Variants in USP9X observed in about 807,000 individuals in gnomAD.
USP9X encodes the protein ubiquitin specific peptidase 9 X-linked.
Under a neutral mutation model 190.3 loss-of-function variants are expected in USP9X, and 7 were observed. The observed-to-expected ratio is 0.04, with a 90% CI of 0.02 to 0.07. The LOEUF (loss-of-function observed/expected upper bound fraction) is 0.07, where lower values mean the gene tolerates loss of function less well. Among genes scored for constraint, USP9X ranks in the 10% least tolerant of loss-of-function variants. The probability of loss-of-function intolerance (pLI) is 1.00; values close to 1 mark genes in which losing one functional copy is unlikely to be tolerated. For synonymous variants in USP9X, 645 were observed against 659.5 expected (o/e 0.98, Z 0.34); for missense variants, 1,010 against 1,916.9 (o/e 0.53, Z 8.83).
chrX:41,096,300 C>G (rs1433453787), intron 1 of USP9X, among the ~76,000 whole-genome samples: 1 of 112,761 alleles, frequency 8.9e-6, no homozygotes, highest in African/African-American at 3.2e-5. Flanking sequence ...CTTTGATATA[C>G]AAACATAGGT....
At chrX:41,099,073 C>T (rs1219661827) in intron 1 of USP9X, among the ~76,000 whole-genome samples, 1 of 97,150 alleles carries the variant, frequency 1.0e-5, no homozygotes, top group Non-Finnish European at 2.0e-5. Flanking sequence ...ACCACGACCA[C>T]ATGCCATAAT....
intron 1 of USP9X, among the ~76,000 whole-genome samples, chrX:41,102,620 C>CA (rs989414402): frequency 1.6e-4 from 18 of 109,343 alleles, no homozygotes; most frequent in East Asian, 8.5e-4. Context: ...GAGACTGTCT[C>CA]AAAAAAAAGA....
At chrX:41,198,299 TTC>T (rs2063007158) in intron 29 of USP9X, among the ~76,000 whole-genome samples, 1 of 112,288 alleles carries the variant, frequency 8.9e-6, no homozygotes, top group South Asian at 3.6e-4. Context: ...CTATATTCAG[TTC>T]TTTCTTAATA....
chrX:41,210,823 T>C (rs893071440), intron 33 of USP9X, 141 bp downstream of exon 33: 8 of 633,050 alleles, frequency 1.3e-5, no homozygotes, highest in Admixed American at 4.4e-5. Context: ...TTATATACTT[T>C]GCATACCTTA....
intron 1 of USP9X, among the ~76,000 whole-genome samples, chrX:41,112,861 C>T (rs2062120239): frequency 8.9e-6 from 1 of 112,785 alleles, no homozygotes; most frequent in East Asian, 2.7e-4. Flanking sequence ...ATTATTTTCA[C>T]TCACATTTCA....
chrX:41,230,409 G>T, intron 43 of USP9X, 92 bp from the exon 44 acceptor site: 5 of 817,831 alleles, frequency 6.1e-6, no homozygotes, highest in South Asian at 2.5e-5. Context: ...GGTCAGTTTT[G>T]TAGATTTTTA....
intron 21 of USP9X, among the ~76,000 whole-genome samples, chrX:41,174,361 C>G (rs985382680): frequency 2.7e-5 from 3 of 111,537 alleles, no homozygotes; most frequent in South Asian, 7.6e-4. Context: ...ACCCCCACCC[C>G]CCATGGATAC....
Position 41,214,794 on chromosome X carries a change from C to T in USP9X, c.5331+85C>T, listed in dbSNP as rs191715245. The T allele has an allele frequency of 4.5e-4, 439 of 969,743 alleles. No individual in the cohort carries two copies. The African/African-American group carries it at 7.5e-3, about 17-fold the overall frequency. 79.9% of individuals were successfully genotyped at this position (969,743 alleles called of 1,213,427 possible). On this transcript the variant is annotated intron_variant, in intron 34 of 44. Coordinates refer to ENST00000378308, the MANE Select transcript of USP9X (RefSeq NM_001039591.3). ...GTTTTTTTGGTTCATCCTCACAAGT[C>T]ACCCTATTTTTATTTTCTCCTACTT... is the stretch of plus-strand genomic sequence containing the variant.
rs1275993872 is a variant in USP9X, at chrX:41,234,865, T to A, written c.*2341T>A. On this transcript the variant is annotated 3_prime_UTR_variant, in exon 45 of 45. Transcript: ENST00000378308. ...GTGAGCCACCGCGCCTGGCCCCAGT[T>A]GATAGTTTTTTTAATTTAAAAGTTC... The A allele has an allele frequency of 8.9e-6, 1 of 111,770 alleles. No homozygotes were observed. Among genetic ancestry groups the A allele is most frequent in the Non-Finnish European group, 1.9e-5 (1 of 53,080 alleles). 9.2% of individuals were successfully genotyped at this position (111,770 alleles called of 1,213,427 possible). A position where few individuals can be genotyped will look rare whatever the true frequency, so the allele number is the denominator to read the frequency against.
At chrX:41,087,983 A>G (rs958753140) in intron 1 of USP9X, among the ~76,000 whole-genome samples, 4 of 111,588 alleles carry the variant, frequency 3.6e-5, no homozygotes, top group African/African-American at 1.3e-4. Flanking sequence ...TCCATAGTCC[A>G]TAGTTCTCAT....
At chrX:41,207,243 C>T (rs765769702) in intron 32 of USP9X, among the ~76,000 whole-genome samples, 1 of 108,532 alleles carries the variant, frequency 9.2e-6, no homozygotes, top group East Asian at 2.9e-4. Flanking sequence ...CCCACCACAC[C>T]CCGCTAATTT....
intron 15 of USP9X, among the ~76,000 whole-genome samples, chrX:41,165,032 C>CA (rs1467981071): frequency 1.8e-5 from 2 of 110,978 alleles, no homozygotes; most frequent in Non-Finnish European, 3.8e-5. Flanking sequence ...TAGAAAAAAA[C>CA]AAAAAAATGG....
intron 14 of USP9X, among the ~76,000 whole-genome samples, chrX:41,155,758 ATAAT>A (rs2062572923): frequency 8.9e-6 from 1 of 112,179 alleles, no homozygotes; most frequent in Non-Finnish European, 1.9e-5. Flanking sequence ...TGGTTTAAAA[ATAAT>A]TACATACTAT....
chrX:41,125,684 A>ACACACT, intron 2 of USP9X, among the ~76,000 whole-genome samples: 29 of 19,021 alleles, frequency 1.5e-3, no homozygotes, highest in African/African-American at 4.6e-3. Flanking sequence ...ACACACACAC[A>ACACACT]CTCTCTCTCT....
In USP9X at chrX:41,136,816, A is replaced by T. The variant is rs1411236915; in HGVS notation, c.448A>T (p.Asn150Tyr). The change falls in exon 6 of 45, where the codon AAC (asparagine) becomes TAC (tyrosine). Residue 150 changes from asparagine to tyrosine, a missense_variant. By Grantham distance (143) the Asn-to-Tyr change is moderately radical. This residue lies in a region of USP9X where 176 missense variants were observed against 247.5 expected (regional missense o/e 0.71). Transcript: ENST00000378308. ...WKFEIHRCII[N>Y]NTHRLVELCV... ...CCTTGTATAACAGAGGTGTATTATT[A>T]ACAATACTCATCGTCTGGTGGAGCT... is the stretch of plus-strand genomic sequence containing the variant. 4.0e-5 allele frequency: 48 copies of T among 1,209,369 alleles called. No individual in the cohort carries two copies. The highest frequency in any genetic ancestry group is 5.3e-5 in the Non-Finnish European group (47 of 893,277).
rs1400458498 is a variant in USP9X at position 41,212,103 on chromosome X, TTTG to T, written c.5189+1424_5189+1426del. Among the ~76,000 whole-genome samples, 13 of 111,628 alleles carry T rather than the reference TTTG, an allele frequency of 1.2e-4. No individual in the cohort carries two copies. In the East Asian group the frequency reaches 3.7e-3, roughly 32 times the overall value. On this transcript the variant is annotated intron_variant, in intron 33 of 44. Coordinates refer to ENST00000378308, the MANE Select transcript of USP9X (RefSeq NM_001039591.3). ...GAGGTAGACATGGGAGACTTTTCAT[TTTG>T]TTCTGTACTAAGAAAAATTCTTCTG...
At chrX:41,201,957 C>T (rs2063045850) in intron 31 of USP9X, among the ~76,000 whole-genome samples, 2 of 110,371 alleles carry the variant, frequency 1.8e-5, no homozygotes, top group South Asian at 3.8e-4. Context: ...GGTGACAGAG[C>T]GAGACTCCGT....
At chrX:41,181,488 G>A (rs1158536991) in intron 21 of USP9X, among the ~76,000 whole-genome samples, 2 of 85,493 alleles carry the variant, frequency 2.3e-5, no homozygotes, top group East Asian at 3.8e-4. Flanking sequence ...TCACACTGTC[G>A]CCCAGGCTGC....
At chrX:41,121,153 A>G (rs1274018209) in intron 1 of USP9X, among the ~76,000 whole-genome samples, 1 of 111,262 alleles carries the variant, frequency 9.0e-6, no homozygotes, top group Non-Finnish European at 1.9e-5. Context: ...CTGATTTTAA[A>G]CATATTCCTC....
Sources: gnomAD v4.1 joint callset for allele counts (sites outside exome capture counted in the v4.1 genomes callset) on GRCh38, gnomAD v4.1.1 for gene constraint, gnomAD v4.1.1 regional missense constraint, MANE v1.5 for transcripts, NCBI Gene and HGNC (gene_info 2026-07-23, HGNC 2026-07-21) for gene names.